The following UPF3A variants were observed in gnomAD, a reference collection of about 807,000 sequenced individuals.
The protein encoded by UPF3A is UPF3A regulator of nonsense mediated mRNA decay.
Under a neutral mutation model 53.5 loss-of-function variants are expected in UPF3A, and 42 were observed. The observed-to-expected ratio is 0.78, with a 90% CI of 0.61 to 1.01. UPF3A has a LOEUF of 1.01. Among genes scored for constraint, UPF3A ranks in the 50% least tolerant of loss-of-function variants. UPF3A has a pLI of 0.00. For synonymous variants in UPF3A, 237 were observed against 225.3 expected (o/e 1.05, Z -0.47); for missense variants, 575 against 598.0 (o/e 0.96, Z 0.40).
intron 7 of UPF3A, among the ~76,000 whole-genome samples, chr13:114,295,840 G>C (rs1427890572): frequency 6.6e-6 from 1 of 152,160 alleles, no homozygotes; most frequent in Non-Finnish European, 1.5e-5. Flanking sequence ...CCTGCACACA[G>C]CTCCTCAGAC....
intron 5 of UPF3A, among the ~76,000 whole-genome samples, chr13:114,290,007 C>A (rs780933525): frequency 6.6e-6 from 1 of 152,128 alleles, no homozygotes; most frequent in Non-Finnish European, 1.5e-5. Flanking sequence ...AGAGCAGAAC[C>A]CTGGCTGATT....
At chr13:114,296,513 G>C (rs2086043897) in intron 7 of UPF3A, among the ~76,000 whole-genome samples, 1 of 152,118 alleles carries the variant, frequency 6.6e-6, no homozygotes, top group Non-Finnish European at 1.5e-5. Context: ...TTTTCCGTTT[G>C]GCTGTTCTGG....
At chr13:114,289,421 G>A (rs1359391274) in intron 5 of UPF3A, among the ~76,000 whole-genome samples, 1 of 151,718 alleles carries the variant, frequency 6.6e-6, no homozygotes, top group Admixed American at 6.6e-5. Context: ...CTACTTGGGA[G>A]GCTGAGGCAG....
chr13:114,303,967 G>A (rs1594853824), intron 9 of UPF3A, among the ~76,000 whole-genome samples: 1 of 152,346 alleles, frequency 6.6e-6, no homozygotes, highest in Middle Eastern at 3.4e-3. Context: ...GGAGGAGGTA[G>A]AGGTGAGCTG....
intron 2 of UPF3A, 184 bp downstream of exon 2, chr13:114,282,311 A>C: frequency 1.2e-6 from 1 of 849,646 alleles, no homozygotes; most frequent in East Asian, 3.0e-5. Context: ...CAACAAAGAA[A>C]CACAGATGTG....
chr13:114,301,846 C>T lies in UPF3A; in HGVS notation c.1123C>T (p.Pro375Ser). Residue 375 changes from proline (P) to serine (S), a missense_variant, in exon 9 of 10, where the codon CCT (proline) becomes TCT (serine). Around this residue, in one of 2 missense-constraint regions of UPF3A, gnomAD observed 323 missense variants for 415.2 expected, o/e 0.78. Coordinates refer to ENST00000375299, the MANE Select transcript of UPF3A (RefSeq NM_023011.4). ...CAGGAGGCACAGAGCTCACCACGAG[C>T]CTGAACGGCTTTCCAGAAGGAGTGA... Reference protein sequence around the residue: ...DGRRHRAHHEPERLSRRSEDE... With the variant: ...DGRRHRAHHESERLSRRSEDE... 3 of 1,613,392 alleles carry T rather than the reference C, an allele frequency of 1.9e-6. No homozygotes were observed. Among genetic ancestry groups the T allele is most frequent in the East Asian group, 4.5e-5 (2 of 44,876 alleles).
chr13:114,283,640 A>C, intron 3 of UPF3A: 1 of 453,416 alleles, frequency 2.2e-6, no homozygotes, highest in Non-Finnish European at 2.9e-6. Flanking sequence ...TCATGACTGT[A>C]CCATTTATGA....
At chr13:114,288,662 G>C (rs1021232052) in intron 5 of UPF3A, among the ~76,000 whole-genome samples, 9 of 148,896 alleles carry the variant, frequency 6.0e-5, no homozygotes, top group African/African-American at 1.9e-4. Context: ...GGGATAGACT[G>C]TGGATGCCAA....
chr13:114,292,153 A>G (rs1293232505), intron 7 of UPF3A, among the ~76,000 whole-genome samples: 2 of 149,646 alleles, frequency 1.3e-5, no homozygotes, highest in African/African-American at 4.9e-5. Flanking sequence ...GTACATGTGC[A>G]GGTGTGTTAC....
chr13:114,292,134 G>A (rs1464881206), intron 7 of UPF3A, among the ~76,000 whole-genome samples: 1 of 149,936 alleles, frequency 6.7e-6, no homozygotes, highest in Non-Finnish European at 1.5e-5. Context: ...TTCATTTTCG[G>A]CTCAAGGCGT....
At chr13:114,286,752 G>A in intron 5 of UPF3A, 123 bp downstream of exon 5, 2 of 765,538 alleles carry the variant, frequency 2.6e-6, no homozygotes, top group Non-Finnish European at 4.2e-6. Context: ...TGACAGAAAT[G>A]TAGAGTGATT....
At chr13:114,286,709 AC>A (rs2084730530) in intron 5 of UPF3A, 80 bp downstream of exon 5, 5 of 1,168,126 alleles carry the variant, frequency 4.3e-6, no homozygotes, top group Non-Finnish European at 6.0e-6. Context: ...CTTTTTCTTG[AC>A]TGTGATAACA....
At chr13:114,304,659 G>A in intron 9 of UPF3A, 130 bp from the exon 10 acceptor site, 1 of 1,302,216 alleles carries the variant, frequency 7.7e-7, no homozygotes, top group Non-Finnish European at 1.1e-6. Context: ...TGAAAAAAGG[G>A]CTGATTTTTA....
At chr13:114,282,304 C>T (rs775810118) in intron 2 of UPF3A, 177 bp downstream of exon 2, 2 of 849,954 alleles carry the variant, frequency 2.4e-6, no homozygotes, top group Non-Finnish European at 3.5e-6. Flanking sequence ...ATACCACCAA[C>T]AAAGAAACAC....
At chr13:114,297,138 A>C (rs573698369) in intron 7 of UPF3A, among the ~76,000 whole-genome samples, 1 of 151,972 alleles carries the variant, frequency 6.6e-6, no homozygotes, top group African/African-American at 2.4e-5. Flanking sequence ...TGGTCTTGCT[A>C]TGCTGCAATT....
chr13:114,298,488 C>A (rs111226515), intron 7 of UPF3A, among the ~76,000 whole-genome samples: 1 of 152,092 alleles, frequency 6.6e-6, no homozygotes, highest in South Asian at 2.1e-4. Context: ...TGCAGTGAGC[C>A]GGGAGTGCGC....
chr13:114,299,119 C>T (rs1350170623), intron 8 of UPF3A, 119 bp downstream of exon 8: 4 of 1,061,992 alleles, frequency 3.8e-6, no homozygotes, highest in South Asian at 5.2e-5. Context: ...CCAGGGTGTG[C>T]GAGTACACGT....
At chr13:114,296,764 C>T (rs993024971) in intron 7 of UPF3A, among the ~76,000 whole-genome samples, 16 of 152,052 alleles carry the variant, frequency 1.1e-4, no homozygotes, top group Admixed American at 1.0e-3. Flanking sequence ...TCGATGATCT[C>T]AGAGTTGAGT....
chr13:114,294,032 C>T (rs1003419685), intron 7 of UPF3A, among the ~76,000 whole-genome samples: 2 of 152,118 alleles, frequency 1.3e-5, no homozygotes, highest in African/African-American at 4.8e-5. Context: ...GATCTTCCTG[C>T]CTCACCCTCC....
Sources: gnomAD v4.1 joint callset for allele counts (sites outside exome capture counted in the v4.1 genomes callset) on GRCh38, gnomAD v4.1.1 for gene constraint, gnomAD v4.1.1 regional missense constraint, MANE v1.5 for transcripts, NCBI Gene and HGNC (gene_info 2026-07-23, HGNC 2026-07-21) for gene names.